The following ZNF106 variants were observed in gnomAD, a reference collection of about 807,000 sequenced individuals.
ZNF106 encodes the protein zinc finger protein 106.
ZNF106 carries 67 observed loss-of-function variants against 195.1 expected under a neutral mutation model. The observed-to-expected ratio is 0.34, with a 90% CI of 0.28 to 0.42. ZNF106 has a LOEUF of 0.42. Ranked by LOEUF, ZNF106 falls within the 10% of genes least tolerant of loss-of-function variation. The probability of loss-of-function intolerance (pLI) is 1.00; values close to 1 mark genes in which losing one functional copy is unlikely to be tolerated. For missense variants in ZNF106, 2,118 were observed against 2,304.5 expected (o/e 0.92, Z 1.66); for synonymous variants, 784 against 818.6 (o/e 0.96, Z 0.72).
chr15:42,470,557 T>G (rs925689124), intron 2 of ZNF106, among the ~76,000 whole-genome samples: 2 of 152,218 alleles, frequency 1.3e-5, no homozygotes, highest in African/African-American at 4.8e-5. Context: ...CAGCTTTTCC[T>G]AGGGCAGGAG....
chr15:42,432,350 G>A (rs1169354789), intron 14 of ZNF106, among the ~76,000 whole-genome samples: 1 of 151,848 alleles, frequency 6.6e-6, no homozygotes, highest in Non-Finnish European at 1.5e-5. Context: ...GTGGAGACGG[G>A]ATCTCATTAT....
Position 42,414,091 on chromosome 15 carries a change from A to G in ZNF106, c.*3213T>C, listed in dbSNP as rs1370630543. On this transcript the variant is annotated 3_prime_UTR_variant, in exon 22 of 22. Coordinates refer to ENST00000564754, the MANE Select transcript of ZNF106 (RefSeq NM_001366845.3). ...AGAGTAACATTCTAAAAGTGGCTTCAACTACTTTAAAGACATGAGTCAGTT... is the reference window on the plus strand; with the variant it reads ...AGAGTAACATTCTAAAAGTGGCTTCGACTACTTTAAAGACATGAGTCAGTT... 2.6e-5 allele frequency: 4 copies of G among 152,210 alleles called. No homozygotes were observed. The highest frequency in any genetic ancestry group is 5.9e-5 in the Non-Finnish European group (4 of 68,030). The allele number at this position is 152,210 out of a possible 1,614,324, so 9.4% of individuals were successfully genotyped here.
At position 42,450,366 on chromosome 15, in the gene ZNF106, C is replaced by T. The variant is rs749094387; in HGVS notation, c.1906G>A (p.Glu636Lys). The T allele has an allele frequency of 3.1e-5, 50 of 1,614,062 alleles. No individual in the cohort carries two copies. Among genetic ancestry groups the T allele is most frequent in the Non-Finnish European group, 5.9e-6 (7 of 1,180,036 alleles). The change falls in exon 5 of 22, where the codon GAA (glutamate) becomes AAA (lysine). Residue 636 changes from glutamate (E) to lysine (K), a missense_variant. Transcript: ENST00000564754. Reference protein sequence around the residue: ...KIGTLGSATTELLSGSTRTAD... With the variant: ...KIGTLGSATTKLLSGSTRTAD... ...GTTCGAGTGCTGCCAGATAACAATTCTGTAGTTGCAGAACCTAGGGTTCCA... is the reference window on the plus strand; with the variant it reads ...GTTCGAGTGCTGCCAGATAACAATTTTGTAGTTGCAGAACCTAGGGTTCCA...
At chr15:42,459,072 A>G (rs2056321311) in intron 3 of ZNF106, among the ~76,000 whole-genome samples, 1 of 152,174 alleles carries the variant, frequency 6.6e-6, no homozygotes, top group South Asian at 2.1e-4. Flanking sequence ...GTTTCCTAAA[A>G]ATATCAATAC....
rs555222348 is a variant in ZNF106 at position 42,452,709 on chromosome 15, A to G, written c.318-755T>C. On this transcript the variant is annotated intron_variant, in intron 4 of 21. Transcript: ENST00000564754. ...TTTTTTTTTTTTTTTTTTTTGAGAC[A>G]GAGTCTTGCACTGTTGGCCAGGGTG... Among the ~76,000 whole-genome samples the G allele has an allele frequency of 4.0e-4, 53 of 131,674 alleles. No homozygotes were observed. In the Middle Eastern group the frequency reaches 0.017, roughly 41 times the overall value. 86.4% of individuals were successfully genotyped at this position (131,674 alleles called of 152,430 possible). A position where few individuals can be genotyped will look rare whatever the true frequency, so the allele number is the denominator to read the frequency against.
chr15:42,445,689 T>C (rs2055746440), intron 7 of ZNF106, among the ~76,000 whole-genome samples: 1 of 152,210 alleles, frequency 6.6e-6, no homozygotes, highest in South Asian at 2.1e-4. Flanking sequence ...TCTGCTCCTC[T>C]CATGGAGTTT....
intron 20 of ZNF106, among the ~76,000 whole-genome samples, chr15:42,420,674 A>G (rs2054622681): frequency 6.6e-6 from 1 of 152,210 alleles, no homozygotes; most frequent in African/African-American, 2.4e-5. Context: ...AAACCACACA[A>G]TTCAGCCTGA....
At chr15:42,429,782 G>C (rs2054988852) in intron 14 of ZNF106, among the ~76,000 whole-genome samples, 1 of 151,952 alleles carries the variant, frequency 6.6e-6, no homozygotes, top group African/African-American at 2.4e-5. Flanking sequence ...AGGGGAAATT[G>C]AACATTACAT....
chr15:42,453,214 T>C (rs1198523595), intron 4 of ZNF106, among the ~76,000 whole-genome samples: 1 of 152,194 alleles, frequency 6.6e-6, no homozygotes, highest in Non-Finnish European at 1.5e-5. Flanking sequence ...GTGAAGGCCT[T>C]AGAACCTAGC....
In ZNF106 at chr15:42,435,507, A is replaced by G; in HGVS notation, c.4758T>C (p.Cys1586=). Residue 1586 remains cysteine, a synonymous_variant, in exon 14 of 22, where the codon TGT becomes TGC. Transcript: ENST00000564754. ...AGGTATGACCCTCAAAGACACCAAT[A>G]CATTTCCGACTCTAAAGTTTAAGCA... The part of the protein sequence containing the change: ...VRVYNLVSRK[C]IGVFEGHTSK... The G allele has an allele frequency of 1.2e-6, 2 of 1,614,168 alleles. No homozygotes were observed. Among genetic ancestry groups the G allele is most frequent in the Non-Finnish European group, 1.7e-6 (2 of 1,180,020 alleles).
intron 10 of ZNF106, among the ~76,000 whole-genome samples, chr15:42,441,225 C>T (rs1025448707): frequency 6.0e-5 from 9 of 148,888 alleles, no homozygotes; most frequent in Non-Finnish European, 1.0e-4. Context: ...CATCTGTAGT[C>T]CTAGCTCCTC....
chr15:42,455,112 T>A (rs1297202886), intron 4 of ZNF106, among the ~76,000 whole-genome samples: 3 of 152,300 alleles, frequency 2.0e-5, no homozygotes, highest in African/African-American at 7.2e-5. Flanking sequence ...TAAAGTAAAC[T>A]GCAACTATAT....
intron 14 of ZNF106, among the ~76,000 whole-genome samples, chr15:42,432,729 A>T (rs796151478): frequency 0.013 from 1,848 of 140,856 alleles, 46 homozygotes; most frequent in African/African-American, 0.049. Context: ...AAAAAAAAAA[A>T]TTTAATTGGC....
intron 17 of ZNF106, 115 bp downstream of exon 17, chr15:42,423,883 G>C (rs527784378): frequency 1.2e-5 from 11 of 938,310 alleles, no homozygotes; most frequent in Non-Finnish European, 1.7e-5. Context: ...GGATGATTAC[G>C]AATCCCTTCG....
rs78869598 is a variant in ZNF106, at chr15:42,486,545, C to A, written c.-33+4435G>T. On this transcript the variant is annotated intron_variant, in intron 1 of 21. Coordinates refer to ENST00000564754, the MANE Select transcript of ZNF106 (RefSeq NM_001366845.3). ...AAGTGCTAGGATTACAGGTATGAGCCACCATGCCCAAGCTACTCTTTTTTA... is the reference window on the plus strand; with the variant it reads ...AAGTGCTAGGATTACAGGTATGAGCAACCATGCCCAAGCTACTCTTTTTTA... Among the ~76,000 whole-genome samples, 127 of 152,280 alleles carry A rather than the reference C, an allele frequency of 8.3e-4. 2 individuals carry two copies. In the East Asian group the frequency reaches 0.023, roughly 28 times the overall value.
At chr15:42,455,460 C>A (rs1236753449) in intron 4 of ZNF106, among the ~76,000 whole-genome samples, 1 of 152,162 alleles carries the variant, frequency 6.6e-6, no homozygotes, top group Admixed American at 6.5e-5. Context: ...GATTTTGGTG[C>A]ATTTTCAGAC....
chr15:42,442,300 A>G lies in ZNF106; in HGVS notation c.3536T>C (p.Phe1179Ser). 2 of 1,614,140 alleles carry G rather than the reference A, an allele frequency of 1.2e-6. No individual in the cohort carries two copies. Among genetic ancestry groups the G allele is most frequent in the Non-Finnish European group, 1.7e-6 (2 of 1,180,016 alleles). ...AGATGGAGGCTCCAGAAAAAGTGGGAAAAAGGGAGTGGGCAGCAGTGCGGC... is the reference window on the plus strand; with the variant it reads ...AGATGGAGGCTCCAGAAAAAGTGGGGAAAAGGGAGTGGGCAGCAGTGCGGC... ...IDAALLPTPF[F>S]PLFLEPPSSH... The change falls in exon 10 of 22, where the codon TTC becomes TCC. Residue 1179 changes from phenylalanine to serine, a missense_variant. By Grantham distance (155) the Phe-to-Ser change is radical. Coordinates refer to ENST00000564754, the MANE Select transcript of ZNF106 (RefSeq NM_001366845.3).
At chr15:42,466,931 G>A (rs923380341) in intron 2 of ZNF106, among the ~76,000 whole-genome samples, 11 of 151,976 alleles carry the variant, frequency 7.2e-5, no homozygotes, top group African/African-American at 2.2e-4. Flanking sequence ...TCAGGAGATC[G>A]AGACCATCCT....
At chr15:42,463,934 T>C (rs1406460672) in intron 3 of ZNF106, among the ~76,000 whole-genome samples, 3 of 152,230 alleles carry the variant, frequency 2.0e-5, no homozygotes, top group Non-Finnish European at 4.4e-5. Flanking sequence ...ATTCCACTAA[T>C]AGGCTAAAGA....
Sources: allele counts gnomAD v4.1 joint callset (sites outside exome capture counted in the v4.1 genomes callset), GRCh38; gene constraint gnomAD v4.1.1; transcripts MANE v1.5; gene names NCBI Gene and HGNC (gene_info 2026-07-23, HGNC 2026-07-21).